Variants in ZNF846 observed in about 807,000 individuals in gnomAD.
ZNF846 encodes zinc finger protein 846, also known as zinc finger protein 420 pseudogene.
ZNF846 carries 15 observed loss-of-function variants against 16.0 expected under a neutral mutation model. That is an observed-to-expected ratio of 0.94 (90% CI 0.63 to 1.45). ZNF846 has a LOEUF of 1.45. Ranked by LOEUF, ZNF846 falls within the 40% of genes most tolerant of loss-of-function variation. The pLI is 0.00. For missense variants in ZNF846, 714 were observed against 622.3 expected, an observed-to-expected ratio of 1.15 and a Z score of -1.57; for synonymous variants, 229 against 212.0, an observed-to-expected ratio of 1.08 and a Z score of -0.70.
downstream of ZNF846, chr19:9,756,349 A>ATATG (rs2045136222): frequency 3.2e-5 from 1 of 31,234 alleles, no homozygotes; most frequent in South Asian, 1.3e-3. Context: ...GTGTGTGTAT[A>ATATG]TATATATATA....
At chr19:9,778,299 T>C (rs1362726520) in intron 1 of ZNF846, among the ~76,000 whole-genome samples, 1 of 151,912 alleles carries the variant, frequency 6.6e-6, no homozygotes, top group Non-Finnish European at 1.5e-5. Context: ...AAATGAAAAA[T>C]TCACTACAGG....
chr19:9,757,447 A>C (rs1219651664), downstream of ZNF846: 4 of 1,516,318 alleles, frequency 2.6e-6, no homozygotes, highest in Non-Finnish European at 3.5e-6. Context: ...ATGAGTTTAG[A>C]TGTAAATACT....
At chr19:9,777,136 AACACACACACACGCACAC>A (rs2045452718) in intron 1 of ZNF846, among the ~76,000 whole-genome samples, 1 of 149,448 alleles carries the variant, frequency 6.7e-6, no homozygotes, top group Non-Finnish European at 1.5e-5. Flanking sequence ...AACGAAAGAA[AACACACACACACGCACAC>A]ACACACACAC....
At chr19:9,761,700 G>A (rs1002743643) in intron 4 of ZNF846, among the ~76,000 whole-genome samples, 6 of 148,426 alleles carry the variant, frequency 4.0e-5, no homozygotes, top group Non-Finnish European at 5.9e-5. Context: ...GACAGTGCAA[G>A]ACTCCATCTC....
At chr19:9,783,787 C>T (rs2045530122) in intron 1 of ZNF846, among the ~76,000 whole-genome samples, 1 of 151,538 alleles carries the variant, frequency 6.6e-6, no homozygotes. Context: ...CTCCCAAGCT[C>T]AGGTGATCCT....
chr19:9,758,689 T>C (rs2045174828), exon 6 of ZNF846: 2 of 1,611,448 alleles, frequency 1.2e-6, no homozygotes, highest in Non-Finnish European at 1.7e-6. Flanking sequence ...ATGTGAGTCA[T>C]AAGAAATGGG....
At chr19:9,767,188 T>C (rs2045330229) in intron 1 of ZNF846, among the ~76,000 whole-genome samples, 1 of 151,928 alleles carries the variant, frequency 6.6e-6, no homozygotes, top group Non-Finnish European at 1.5e-5. Flanking sequence ...CAGGCTGTAG[T>C]GCATTGCCAC....
At position 9,763,272 on chromosome 19, in the gene ZNF846, C is replaced by T. The variant is rs769447001; in HGVS notation, c.142+10G>A. ...TAAAGGGGTCAGTGAAGAAATGATGCCAGTTTTACCTAGTATAATGAGATT... is the reference window on the plus strand; with the variant it reads ...TAAAGGGGTCAGTGAAGAAATGATGTCAGTTTTACCTAGTATAATGAGATT... On this transcript the variant is annotated intron_variant, in intron 3 of 5. Coordinates refer to ENST00000397902, the Ensembl canonical transcript of ZNF846. 9.6e-6 allele frequency: 15 copies of T among 1,559,428 alleles called. No individual in the cohort carries two copies. Among genetic ancestry groups the T allele is most frequent in the South Asian group, 1.2e-5 (1 of 82,872 alleles).
chr19:9,769,326 C>T (rs540753056), upstream of ZNF846, among the ~76,000 whole-genome samples: 5 of 152,228 alleles, frequency 3.3e-5, no homozygotes, highest in South Asian at 1.0e-3. Context: ...AAAGGATCCT[C>T]CCCCCTCGGC....
chr19:9,757,367 CTATTA>C (rs2045147820), downstream of ZNF846: 4 of 898,258 alleles, frequency 4.5e-6, no homozygotes, highest in South Asian at 1.8e-5. Context: ...AAATTCATTC[CTATTA>C]TATAAGATAT....
At chr19:9,763,159 A>AT in intron 3 of ZNF846, 123 bp downstream of exon 3, 1 of 810,214 alleles carries the variant, frequency 1.2e-6, no homozygotes, top group Non-Finnish European at 1.8e-6. Context: ...AAAAAAAAAA[A>AT]GGAATGTCCA....
At chr19:9,786,128 G>A (rs565079785), upstream of ZNF846, 13 of 152,054 alleles carry the variant, frequency 8.5e-5, no homozygotes, top group Admixed American at 3.9e-4. Context: ...ACTCTGGGGA[G>A]AAGTCTTAGT....
intron 1 of ZNF846, among the ~76,000 whole-genome samples, chr19:9,781,298 G>A (rs997397734): frequency 3.3e-5 from 5 of 152,062 alleles, no homozygotes; most frequent in African/African-American, 1.2e-4. Context: ...TGTAATTTTT[G>A]TATTTTTAGG....
chr19:9,752,890 C>T (rs1056398196), downstream of ZNF846, among the ~76,000 whole-genome samples: 2 of 151,960 alleles, frequency 1.3e-5, no homozygotes, highest in East Asian at 1.9e-4. Flanking sequence ...TGTATCTGTC[C>T]ATTCAGGCTG....
At chr19:9,771,988 G>A (rs1000401186), upstream of ZNF846, among the ~76,000 whole-genome samples, 5 of 151,664 alleles carry the variant, frequency 3.3e-5, no homozygotes, top group South Asian at 2.1e-4. Flanking sequence ...GGATGGTCTC[G>A]GTCTCTTGAC....
chr19:9,757,553 A>G (rs1446726539), exon 6 of ZNF846: 1 of 1,612,520 alleles, frequency 6.2e-7, no homozygotes, highest in African/African-American at 1.3e-5. Context: ...CACATTTCTT[A>G]CATTCATATG....
At chr19:9,765,485 A>G (rs1228652828) in intron 1 of ZNF846, among the ~76,000 whole-genome samples, 1 of 152,178 alleles carries the variant, frequency 6.6e-6, no homozygotes, top group East Asian at 1.9e-4. Flanking sequence ...ATCCTGGCTA[A>G]CACAGTGAAA....
intron 1 of ZNF846, among the ~76,000 whole-genome samples, chr19:9,767,743 C>T (rs2045341030): frequency 6.6e-6 from 1 of 151,996 alleles, no homozygotes; most frequent in African/African-American, 2.4e-5. Context: ...GAGACCAGCC[C>T]AACCAACATG....
chr19:9,766,604 A>G (rs537704947), intron 1 of ZNF846, among the ~76,000 whole-genome samples: 1 of 152,170 alleles, frequency 6.6e-6, no homozygotes, highest in South Asian at 2.1e-4. Flanking sequence ...GTAGCTGGGC[A>G]TGGTGGCTCA....
Sources: gnomAD v4.1 joint callset for allele counts (sites outside exome capture counted in the v4.1 genomes callset) on GRCh38, gnomAD v4.1.1 for gene constraint, MANE v1.5 for transcripts, NCBI Gene and HGNC (gene_info 2026-07-23, HGNC 2026-07-21) for gene names.